Variants in PDIA3 observed in about 807,000 individuals in gnomAD.
PDIA3 encodes protein disulfide isomerase family A member 3, also known as protein disulfide-isomerase A3.
In PDIA3, 16 loss-of-function variants were observed where a neutral mutation model predicts 56.9. The observed-to-expected ratio is 0.28, with a 90% confidence interval of 0.19 to 0.43. The LOEUF is 0.43. Ranked by LOEUF, PDIA3 falls within the 20% of genes least tolerant of loss-of-function variation. The pLI, the probability that PDIA3 is intolerant of heterozygous loss-of-function variation, is 1.00. For missense variants in PDIA3, 485 were observed against 621.3 expected, an observed-to-expected ratio of 0.78 and a Z score of 2.33; for synonymous variants, 192 against 216.5, an observed-to-expected ratio of 0.89 and a Z score of 0.99.
At chr15:43,748,835 C>T (rs2086724578) in intron 1 of PDIA3, among the ~76,000 whole-genome samples, 1 of 150,580 alleles carries the variant, frequency 6.6e-6, no homozygotes, top group African/African-American at 2.5e-5. Context: ...ATGGCACTAT[C>T]TTGACTCACT....
chr15:43,766,894 A>T lies in PDIA3; in HGVS notation c.1012A>T (p.Met338Leu), dbSNP rs756473375. ...IRTAKGEKFV[M>L]QEEFSRDGKA... ...AACTGCTAAAGGAGAGAAGTTTGTCATGCAGGAGGAGTTCTCGTGAGTTGC... is the reference window on the plus strand; with the variant it reads ...AACTGCTAAAGGAGAGAAGTTTGTCTTGCAGGAGGAGTTCTCGTGAGTTGC... Residue 338 changes from methionine to leucine, a missense_variant, in exon 8 of 13, where the codon ATG (methionine) becomes TTG (leucine). Transcript: ENST00000300289. The T allele has an allele frequency of 3.7e-6, 6 of 1,614,188 alleles. No individual in the cohort carries two copies. The highest frequency in any genetic ancestry group is 5.1e-6 in the Non-Finnish European group (6 of 1,180,004).
intron 2 of PDIA3, 75 bp from the exon 3 acceptor site, chr15:43,756,574 A>G (rs566315587): frequency 2.1e-4 from 181 of 842,788 alleles, no homozygotes; most frequent in Middle Eastern, 2.1e-3. Flanking sequence ...GACCAATCCT[A>G]GTATTTTGAG....
chr15:43,748,175 A>G (rs1272545490), intron 1 of PDIA3, among the ~76,000 whole-genome samples: 2 of 152,286 alleles, frequency 1.3e-5, no homozygotes, highest in African/African-American at 2.4e-5. Flanking sequence ...CTAGAATATT[A>G]GTTTAAAAAA....
At position 43,772,998 on chromosome 15, in the gene PDIA3, C is replaced by T; in HGVS notation, c.*1780C>T. On this transcript the variant is annotated 3_prime_UTR_variant, in exon 13 of 13. Transcript: ENST00000300289. ...GAACCTAGAGCAGCTCTCTACTTGCCACCATGGACTCCAGTGGTCAGCATA... is the reference window on the plus strand; with the variant it reads ...GAACCTAGAGCAGCTCTCTACTTGCTACCATGGACTCCAGTGGTCAGCATA... 1.0e-6 allele frequency: 1 copy of T among 966,570 alleles called. No individual in the cohort carries two copies. The allele number at this position is 966,570 out of a possible 1,614,324, so 59.9% of individuals were successfully genotyped here.
intron 11 of PDIA3, 77 bp downstream of exon 11, chr15:43,770,406 C>A: frequency 7.2e-7 from 1 of 1,396,884 alleles, no homozygotes; most frequent in Non-Finnish European, 1.0e-6. Context: ...GAAATCATTA[C>A]TAGACATAGT....
Position 43,768,775 on chromosome 15 carries a change from G to T in PDIA3, c.1137+178G>T, listed in dbSNP as rs556456429. On this transcript the variant is annotated intron_variant, in intron 9 of 12. Transcript: ENST00000300289. The stretch of plus-strand genomic sequence containing the variant: ...GCGGTGGCTCATGCCTGTAATCCCA[G>T]CACTTTGGGAGGCAAAGGCGGGCAC... Among the ~76,000 whole-genome samples, 9 of 151,800 alleles carry T rather than the reference G, an allele frequency of 5.9e-5. No homozygotes were observed. The East Asian group carries it at 1.6e-3, about 26-fold the overall frequency.
chr15:43,771,251 T>C lies in PDIA3; in HGVS notation c.*33T>C, dbSNP rs1225099505. ...GCCAAACACCACTTTGTAAAAGGAC[T>C]CTTCCATCAGAGATGGGAAAACCAT... On this transcript the variant is annotated 3_prime_UTR_variant, in exon 13 of 13. Coordinates refer to ENST00000300289, the MANE Select transcript of PDIA3 (RefSeq NM_005313.5). 1 of 1,387,108 alleles carries C rather than the reference T, an allele frequency of 7.2e-7. No individual in the cohort carries two copies. Among genetic ancestry groups the C allele is most frequent in the East Asian group, 2.3e-5 (1 of 43,758 alleles). The allele number at this position is 1,387,108 out of a possible 1,614,324, so 85.9% of individuals were successfully genotyped here. A position where few individuals can be genotyped will look rare whatever the true frequency, so the allele number is the denominator to read the frequency against.
At chr15:43,762,786 T>G (rs970809950) in intron 4 of PDIA3, among the ~76,000 whole-genome samples, 3 of 152,196 alleles carry the variant, frequency 2.0e-5, no homozygotes, top group African/African-American at 7.2e-5. Flanking sequence ...AAATAGTCCC[T>G]GAAACTCTTA....
In PDIA3 at chr15:43,770,799, C is replaced by T. The variant is rs1166901604; in HGVS notation, c.1404+219C>T. ...CCGAGTAGCTGGGATTACAGGCATG[C>T]GCCACCACCCCGGCTAATTTTGTAT... is the stretch of plus-strand genomic sequence containing the variant. On this transcript the variant is annotated intron_variant, in intron 12 of 12. Coordinates refer to ENST00000300289, the MANE Select transcript of PDIA3 (RefSeq NM_005313.5). Among the ~76,000 whole-genome samples the T allele has an allele frequency of 3.9e-5, 6 of 152,046 alleles. No homozygotes were observed. The East Asian group carries it at 5.8e-4, about 15-fold the overall frequency.
chr15:43,754,310 C>A (rs970294689), intron 2 of PDIA3, among the ~76,000 whole-genome samples: 1 of 149,446 alleles, frequency 6.7e-6, no homozygotes, highest in African/African-American at 2.5e-5. Flanking sequence ...AGGAGAATTG[C>A]TTGAACCCAG....
At chr15:43,756,886 G>T in intron 3 of PDIA3, 120 bp downstream of exon 3, 1 of 597,952 alleles carries the variant, frequency 1.7e-6, no homozygotes. Flanking sequence ...CCTCATCTAA[G>T]AGGTCAGTTT....
Position 43,770,347 on chromosome 15 carries a change from TAAC to T in PDIA3, c.1346+21_1346+23del. The T allele has an allele frequency of 6.3e-7, 1 of 1,597,548 alleles. No homozygotes were observed. ...GTCAGAGGGTAAGTGGCTTAAAACT[TAAC>T]AAAAGTGTCTAGGCAATAGATAGGA... On this transcript the variant is annotated intron_variant, in intron 11 of 12. Transcript: ENST00000300289.
intron 11 of PDIA3, 43 bp from the exon 12 acceptor site, chr15:43,770,480 G>A (rs201331710): frequency 1.4e-6 from 2 of 1,462,754 alleles, no homozygotes; most frequent in East Asian, 2.3e-5. Context: ...TGCAGTATGG[G>A]CCCACATAAC....
At chr15:43,747,557 TG>T (rs961184314) in intron 1 of PDIA3, among the ~76,000 whole-genome samples, 2 of 151,782 alleles carry the variant, frequency 1.3e-5, no homozygotes, top group African/African-American at 4.8e-5. Context: ...CTTGAGTGTT[TG>T]TTTTTTTTTT....
intron 1 of PDIA3, among the ~76,000 whole-genome samples, chr15:43,752,204 T>C (rs953559979): frequency 6.6e-6 from 1 of 152,356 alleles, no homozygotes; most frequent in Non-Finnish European, 1.5e-5. Context: ...TTTGCTCTAC[T>C]ATCTCCCTCA....
chr15:43,762,930 G>T, intron 4 of PDIA3, 147 bp from the exon 5 acceptor site: 1 of 640,158 alleles, frequency 1.6e-6, no homozygotes, highest in East Asian at 2.9e-5. Context: ...TAAATATTGT[G>T]CCTGTCTGAG....
Position 43,770,299 on chromosome 15 carries a change from A to G in PDIA3, c.1316A>G (p.Asn439Ser). Residue 439 changes from asparagine to serine, a missense_variant, in exon 11 of 13, where the codon AAT becomes AGT. Transcript: ENST00000300289. ...ATAGCCAAGATGGATGCCACAGCCAATGATGTGCCTTCTCCATATGAAGTC... is the reference window on the plus strand; with the variant it reads ...ATAGCCAAGATGGATGCCACAGCCAGTGATGTGCCTTCTCCATATGAAGTC... The part of the protein sequence containing the change: ...IVIAKMDATA[N>S]DVPSPYEVRG... 1 of 1,614,166 alleles carries G rather than the reference A, an allele frequency of 6.2e-7. No homozygotes were observed. The highest frequency in any genetic ancestry group is 8.5e-7 in the Non-Finnish European group (1 of 1,179,980).
intron 5 of PDIA3, 44 bp downstream of exon 5, chr15:43,763,250 A>T: frequency 1.3e-6 from 2 of 1,598,042 alleles, no homozygotes; most frequent in South Asian, 2.2e-5. Context: ...TTATTGTGTG[A>T]ACTGGTGATA....
At chr15:43,754,065 T>C (rs1463229493) in intron 2 of PDIA3, among the ~76,000 whole-genome samples, 163 bp downstream of exon 2, 1 of 152,230 alleles carries the variant, frequency 6.6e-6, no homozygotes, top group Non-Finnish European at 1.5e-5. Context: ...AATACTAGTT[T>C]CTGGGCAAAT....
Sources: gnomAD v4.1 joint callset for allele counts (sites outside exome capture counted in the v4.1 genomes callset) on GRCh38, gnomAD v4.1.1 for gene constraint, MANE v1.5 for transcripts, NCBI Gene and HGNC (gene_info 2026-07-23, HGNC 2026-07-21) for gene names.